STAG1: variants seen among roughly 807,000 people sequenced by gnomAD.
STAG1 encodes cohesin subunit SA-1.
In STAG1, 26 loss-of-function variants were observed where a neutral mutation model predicts 170.9. The ratio of observed to expected loss-of-function variants is 0.15; its 90% CI spans 0.11 to 0.21. The LOEUF is 0.21. Among genes scored for constraint, STAG1 ranks in the 10% least tolerant of loss-of-function variants. STAG1 has a pLI of 1.00. For missense variants in STAG1, 964 were observed against 1,509.5 expected, an observed-to-expected ratio of 0.64 and a Z score of 5.99; for synonymous variants, 514 against 497.7, an observed-to-expected ratio of 1.03 and a Z score of -0.44.
At chr3:136,542,031 T>A in intron 6 of STAG1, 88 bp downstream of exon 6, 2 of 999,502 alleles carry the variant, frequency 2.0e-6, no homozygotes, top group South Asian at 1.4e-5. Flanking sequence ...ACACTAAACA[T>A]CAAATCAAAA....
chr3:136,402,438 G>A (rs1471987377), intron 21 of STAG1, among the ~76,000 whole-genome samples: 1 of 151,646 alleles, frequency 6.6e-6, no homozygotes, highest in Non-Finnish European at 1.5e-5. Context: ...GGCTGGTCTC[G>A]AACTCCTGAG....
chr3:136,424,613 G>A (rs1213559616), intron 16 of STAG1, among the ~76,000 whole-genome samples: 1 of 151,868 alleles, frequency 6.6e-6, no homozygotes, highest in Non-Finnish European at 1.5e-5. Context: ...AATTACAGGT[G>A]TGAGCCACTG....
chr3:136,637,924 G>C (rs1228766393), intron 1 of STAG1, among the ~76,000 whole-genome samples: 2 of 150,232 alleles, frequency 1.3e-5, no homozygotes, highest in Admixed American at 1.3e-4. Flanking sequence ...CCAGGTTACA[G>C]TGCAGTGGAG....
At chr3:136,351,180 TA>T (rs1936420585) in intron 28 of STAG1, among the ~76,000 whole-genome samples, 1 of 152,012 alleles carries the variant, frequency 6.6e-6, no homozygotes, top group South Asian at 2.1e-4. Flanking sequence ...CCACTGTGCT[TA>T]TTTTTTTTTT....
chr3:136,376,061 T>TA (rs1560069542), intron 23 of STAG1, among the ~76,000 whole-genome samples: 1 of 116,610 alleles, frequency 8.6e-6, no homozygotes, highest in Non-Finnish European at 1.9e-5. Context: ...CAAAATAAAA[T>TA]AAATGGCAGA....
intron 3 of STAG1, among the ~76,000 whole-genome samples, chr3:136,605,027 C>T (rs548423720): frequency 1.3e-5 from 2 of 152,296 alleles, no homozygotes; most frequent in East Asian, 3.9e-4. Flanking sequence ...CCCTTCTTGA[C>T]ATTTCCTTCT....
chr3:136,570,665 G>GC (rs1937241418), intron 4 of STAG1, among the ~76,000 whole-genome samples: 1 of 152,186 alleles, frequency 6.6e-6, no homozygotes, highest in African/African-American at 2.4e-5. Context: ...ATGACATCCA[G>GC]CAAGATGTGA....
intron 22 of STAG1, among the ~76,000 whole-genome samples, chr3:136,388,268 G>T (rs1297819051): frequency 6.6e-6 from 1 of 152,140 alleles, no homozygotes; most frequent in East Asian, 1.9e-4. Context: ...GCCACAGGTG[G>T]TAAGAAGTGG....
chr3:136,367,568 C>T (rs903780087), intron 24 of STAG1, among the ~76,000 whole-genome samples: 3 of 152,078 alleles, frequency 2.0e-5, no homozygotes, highest in Admixed American at 6.6e-5. Context: ...ACCTTTAAAA[C>T]GCTGTCTTTT....
At chr3:136,523,760 TTAATTTTTGTA>T (rs1427092583) in intron 6 of STAG1, among the ~76,000 whole-genome samples, 1 of 152,202 alleles carries the variant, frequency 6.6e-6, no homozygotes, top group Non-Finnish European at 1.5e-5. Flanking sequence ...TCATCTTGAA[TTAATTTTTGTA>T]TAAAGTATAA....
chr3:136,751,182 T>G (rs1179633727), intron 1 of STAG1, among the ~76,000 whole-genome samples: 3 of 147,386 alleles, frequency 2.0e-5, no homozygotes, highest in Admixed American at 6.6e-5. Context: ...GTTTTTTTTT[T>G]TTGTTTTTTT....
At position 136,521,367 on chromosome 3, in the gene STAG1, A is replaced by G; in HGVS notation, c.522T>C (p.Phe174=). The stretch of plus-strand genomic sequence containing the variant: ...CAATAAATTCACAAAAGTTTGAACG[A>G]AATTTTTTCCACTGAGGTCCAGGCA... ...LTMPGPQWKK[F]RSNFCEFIGV... The change falls in exon 7 of 34, where the codon TTT becomes TTC. Residue 174 remains phenylalanine, a synonymous_variant. Coordinates refer to ENST00000383202, the MANE Select transcript of STAG1 (RefSeq NM_005862.3). 2 of 1,613,730 alleles carry G rather than the reference A, an allele frequency of 1.2e-6. No individual in the cohort carries two copies. Among genetic ancestry groups the G allele is most frequent in the Non-Finnish European group, 1.7e-6 (2 of 1,179,746 alleles).
At chr3:136,432,916 C>A (rs1340036872) in intron 16 of STAG1, among the ~76,000 whole-genome samples, 2 of 152,156 alleles carry the variant, frequency 1.3e-5, no homozygotes, top group African/African-American at 4.8e-5. Context: ...AGGCCACAGA[C>A]TTCCGCTGCT....
chr3:136,704,294 G>T (rs1050921694), intron 1 of STAG1, among the ~76,000 whole-genome samples: 2 of 151,734 alleles, frequency 1.3e-5, no homozygotes. Flanking sequence ...CAGGTGATCC[G>T]CCTGACTTGG....
chr3:136,361,965 T>TC (rs1216763687), intron 26 of STAG1, among the ~76,000 whole-genome samples: 1 of 151,564 alleles, frequency 6.6e-6, no homozygotes, highest in East Asian at 1.9e-4. Context: ...CTTTTCTTTC[T>TC]TTTTTTTGAG....
chr3:136,524,610 T>C (rs909403545), intron 6 of STAG1, among the ~76,000 whole-genome samples: 3 of 152,338 alleles, frequency 2.0e-5, no homozygotes, highest in African/African-American at 4.8e-5. Context: ...CTGACTGCCC[T>C]GGCCAGAACT....
At chr3:136,522,817 T>C (rs1934754086) in intron 6 of STAG1, among the ~76,000 whole-genome samples, 1 of 148,712 alleles carries the variant, frequency 6.7e-6, no homozygotes, top group Non-Finnish European at 1.5e-5. Flanking sequence ...GAACATGCAG[T>C]GTTTGGTTTT....
At chr3:136,661,234 C>T (rs372509478) in intron 1 of STAG1, among the ~76,000 whole-genome samples, 3 of 152,230 alleles carry the variant, frequency 2.0e-5, no homozygotes, top group East Asian at 3.9e-4. Flanking sequence ...AAATATTATT[C>T]CACCTCTAGA....
At chr3:136,694,962 T>A (rs1361040885) in intron 1 of STAG1, among the ~76,000 whole-genome samples, 10 of 152,120 alleles carry the variant, frequency 6.6e-5, no homozygotes, top group Admixed American at 6.5e-4. Flanking sequence ...AAGTTTGAAT[T>A]TCTAAGTCCT....
Sources: gnomAD v4.1 joint callset for allele counts (sites outside exome capture counted in the v4.1 genomes callset) on GRCh38, gnomAD v4.1.1 for gene constraint, MANE v1.5 for transcripts, NCBI Gene and HGNC (gene_info 2026-07-23, HGNC 2026-07-21) for gene names.